ZNF236: variants seen among roughly 807,000 people sequenced by gnomAD.
ZNF236 encodes the protein zinc finger protein 236.
In ZNF236, 50 loss-of-function variants were observed where a neutral mutation model predicts 191.2. The ratio of observed to expected loss-of-function variants is 0.26; its 90% CI spans 0.21 to 0.33. The LOEUF is 0.33. Among genes scored for constraint, ZNF236 ranks in the 10% least tolerant of loss-of-function variants. The probability of loss-of-function intolerance (pLI) is 1.00; values close to 1 mark genes in which losing one functional copy is unlikely to be tolerated. For missense variants in ZNF236, 1,754 were observed against 2,374.5 expected (o/e 0.74, Z 5.43); for synonymous variants, 907 against 928.8 (o/e 0.98, Z 0.43).
Position 76,895,059 on chromosome 18 carries a change from C to T in ZNF236, c.1464C>T (p.Tyr488=), listed in dbSNP as rs1463891661. The T allele has an allele frequency of 1.9e-6, 3 of 1,611,626 alleles. No homozygotes were observed. The highest frequency in any genetic ancestry group is 2.7e-5 in the African/African-American group (2 of 74,954). The change falls in exon 10 of 31, where the codon TAC becomes TAT. Residue 488 remains tyrosine (Y), a synonymous_variant. Coordinates refer to ENST00000320610, the MANE Select transcript of ZNF236 (RefSeq NM_001306089.2). ...GCGTGCGCTGGCATGTGTGTCCCTA[C>T]TGCGCCAAGGAGTTCCGCAAGCCCA... ...ENGVRWHVCP[Y]CAKEFRKPSD... is the part of the protein sequence containing the mutation.
intron 25 of ZNF236, among the ~76,000 whole-genome samples, chr18:76,933,353 C>T (rs1249588604): frequency 2.6e-5 from 4 of 151,866 alleles, no homozygotes; most frequent in Non-Finnish European, 5.9e-5. Flanking sequence ...GCCTGTAATC[C>T]CAGCTACTCG....
At chr18:76,859,698 A>C (rs1976158399) in intron 3 of ZNF236, among the ~76,000 whole-genome samples, 1 of 152,204 alleles carries the variant, frequency 6.6e-6, no homozygotes, top group African/African-American at 2.4e-5. Context: ...GTTATTGGTC[A>C]AGTGTGGAGC....
At chr18:76,944,545 C>T (rs1190868670) in intron 26 of ZNF236, among the ~76,000 whole-genome samples, 2 of 152,012 alleles carry the variant, frequency 1.3e-5, no homozygotes, top group Non-Finnish European at 2.9e-5. Context: ...TAATCGCAGG[C>T]CGAGGCGGGT....
At chr18:76,935,271 C>T (rs1967961810) in intron 25 of ZNF236, among the ~76,000 whole-genome samples, 1 of 152,200 alleles carries the variant, frequency 6.6e-6, no homozygotes, top group South Asian at 2.1e-4. Context: ...GTATCATCCT[C>T]TTTGTGGAAA....
At chr18:76,949,165 T>G (rs1428325528) in intron 27 of ZNF236, among the ~76,000 whole-genome samples, 1 of 152,218 alleles carries the variant, frequency 6.6e-6, no homozygotes, top group Non-Finnish European at 1.5e-5. Flanking sequence ...TCTGGTATGT[T>G]TCAGAGTTCC....
intron 1 of ZNF236, among the ~76,000 whole-genome samples, chr18:76,827,983 T>C (rs79133872): frequency 0.016 from 2,398 of 152,226 alleles, 29 homozygotes; most frequent in Non-Finnish European, 0.019. Context: ...CTTTTTCCTT[T>C]TGGAGGGATA....
At chr18:76,845,118 G>T (rs1420064933) in intron 1 of ZNF236, among the ~76,000 whole-genome samples, 4 of 152,296 alleles carry the variant, frequency 2.6e-5, no homozygotes, top group African/African-American at 7.2e-5. Context: ...GCCTTAAACT[G>T]ATTTTGAAAC....
chr18:76,925,099 T>C lies in ZNF236; in HGVS notation c.3662-90T>C. The C allele has an allele frequency of 1.3e-6, 2 of 1,527,784 alleles. No homozygotes were observed. The highest frequency in any genetic ancestry group is 1.8e-6 in the Non-Finnish European group (2 of 1,139,646). The allele number at this position is 1,527,784 out of a possible 1,614,324, so 94.6% of individuals were successfully genotyped here. ...AGTACTTCCATCCACTGATTCAACA[T>C]ATTTACATCCATAGTGACAGCTGAG... On this transcript the variant is annotated intron_variant, in intron 21 of 30. Transcript: ENST00000320610. The surrounding 1 kb of genome is among the most constrained non-coding windows in gnomAD (Gnocchi z 5.7).
At chr18:76,833,195 C>G (rs1975223055) in intron 1 of ZNF236, among the ~76,000 whole-genome samples, 1 of 152,066 alleles carries the variant, frequency 6.6e-6, no homozygotes, top group Admixed American at 6.6e-5. Context: ...ACTTTCGTTA[C>G]TGTTTTTTCT....
intron 26 of ZNF236, among the ~76,000 whole-genome samples, chr18:76,944,807 T>C (rs1350113598): frequency 6.6e-6 from 1 of 152,122 alleles, no homozygotes; most frequent in Non-Finnish European, 1.5e-5. Flanking sequence ...TTAATTAAGG[T>C]TTGCAATTGA....
rs1274315068 is a variant in ZNF236, at chr18:76,936,164, T to C, written c.4595-992T>C. Reference sequence around the variant, plus strand: ...TGCTGACAGGCGCGTGTTTCTTTTGTTTTGAAACCTGGTTAGGCAATAGCT... The same window carrying C: ...TGCTGACAGGCGCGTGTTTCTTTTGCTTTGAAACCTGGTTAGGCAATAGCT... On this transcript the variant is annotated intron_variant, in intron 25 of 30. Transcript: ENST00000320610. 3 of 450,308 alleles carry C rather than the reference T, an allele frequency of 6.7e-6. No homozygotes were observed. The East Asian group carries it at 2.1e-4, about 31-fold the overall frequency. The allele number at this position is 450,308 out of a possible 1,614,324, so 27.9% of individuals were successfully genotyped here.
intron 1 of ZNF236, 58 bp from the exon 2 acceptor site, chr18:76,849,468 A>T (rs1411158981): frequency 7.1e-7 from 1 of 1,412,288 alleles, no homozygotes; most frequent in South Asian, 1.5e-5. Flanking sequence ...ATTTGGTTTT[A>T]TTTATGTGAT....
intron 3 of ZNF236, among the ~76,000 whole-genome samples, chr18:76,866,961 C>T (rs1976434747): frequency 1.3e-5 from 2 of 152,234 alleles, no homozygotes; most frequent in Non-Finnish European, 2.9e-5. Context: ...CATCTGAGCA[C>T]GTCGTGCATA....
chr18:76,847,568 C>T (rs1023811412), intron 1 of ZNF236, among the ~76,000 whole-genome samples: 6 of 152,120 alleles, frequency 3.9e-5, no homozygotes, highest in Non-Finnish European at 7.4e-5. Flanking sequence ...CAGGTTCACG[C>T]CTTTCTCCTG....
intron 4 of ZNF236, among the ~76,000 whole-genome samples, chr18:76,869,989 A>T (rs1038045921): frequency 6.6e-6 from 1 of 152,202 alleles, no homozygotes; most frequent in Admixed American, 6.5e-5. Context: ...GGCAGTATCA[A>T]TTATCATTTT....
rs5826483 is a variant in ZNF236 at position 76,880,036 on chromosome 18, GT to G, written c.985-64del. The G allele has an allele frequency of 9.4e-4, 946 of 1,011,286 alleles. No homozygotes were observed. The highest frequency in any genetic ancestry group is 1.5e-3 in the South Asian group (86 of 57,680). The allele number at this position is 1,011,286 out of a possible 1,614,324, so 62.6% of individuals were successfully genotyped here. A position where few individuals can be genotyped will look rare whatever the true frequency, so the allele number is the denominator to read the frequency against. ...AACACCCTTAAGGAGGGTATTGCCT[GT>G]TTTTTTTTTTTTAATTTTCCTTTTT... On this transcript the variant is annotated intron_variant, in intron 7 of 30. Transcript: ENST00000320610. This position sits in a 1 kb window ranked among gnomAD's most constrained non-coding sequence, Gnocchi z 5.0.
Position 76,895,215 on chromosome 18 carries a change from C to T in ZNF236, c.1620C>T (p.Phe540=). The change falls in exon 10 of 31, where the codon TTC becomes TTT. Residue 540 remains phenylalanine, a synonymous_variant. Coordinates refer to ENST00000320610, the MANE Select transcript of ZNF236 (RefSeq NM_001306089.2). ...HIKTHTGIKA[F]KCQYCMKSFS... ...AGACGCACACCGGCATCAAGGCGTTCAAGTGCCAGTACTGCATGAAGAGCT... is the reference window on the plus strand; with the variant it reads ...AGACGCACACCGGCATCAAGGCGTTTAAGTGCCAGTACTGCATGAAGAGCT... 1.2e-6 allele frequency: 2 copies of T among 1,601,452 alleles called. No homozygotes were observed. Among genetic ancestry groups the T allele is most frequent in the Non-Finnish European group, 1.7e-6 (2 of 1,179,956 alleles).
At chr18:76,944,424 A>G (rs553462587) in intron 26 of ZNF236, among the ~76,000 whole-genome samples, 37 of 152,350 alleles carry the variant, frequency 2.4e-4, no homozygotes, top group African/African-American at 8.2e-4. Flanking sequence ...TATCACTTCC[A>G]TAAGTATAGC....
At chr18:76,834,469 C>T (rs555926981) in intron 1 of ZNF236, 3 of 391,226 alleles carry the variant, frequency 7.7e-6, no homozygotes, top group Admixed American at 2.8e-5. Context: ...CTTATATTTG[C>T]CCTTTTACTT....
Sources: gnomAD v4.1 joint callset for allele counts (sites outside exome capture counted in the v4.1 genomes callset) on GRCh38, gnomAD v4.1.1 for gene constraint, Gnocchi (gnomAD v3.1) non-coding constraint, MANE v1.5 for transcripts, NCBI Gene and HGNC (gene_info 2026-07-23, HGNC 2026-07-21) for gene names.